WFDC8: variants seen among roughly 807,000 people sequenced by gnomAD.
WFDC8 encodes WAP four-disulfide core domain 8, also known as WAP four-disulfide core domain protein 8.
Under a neutral mutation model 27.0 loss-of-function variants are expected in WFDC8, and 24 were observed. The ratio of observed to expected loss-of-function variants is 0.89; its 90% CI spans 0.64 to 1.25. WFDC8 has a LOEUF of 1.25. WFDC8 is among the 50% of genes most tolerant of loss of function. The probability of loss-of-function intolerance (pLI) is 0.00; values close to 1 mark genes in which losing one functional copy is unlikely to be tolerated. For missense variants in WFDC8, 287 were observed against 295.9 expected, an observed-to-expected ratio of 0.97 and a Z score of 0.22; for synonymous variants, 106 against 99.7, an observed-to-expected ratio of 1.06 and a Z score of -0.38.
At chr20:45,551,191 T>C (rs542932632), downstream of WFDC8, 2 of 152,318 alleles carry the variant, frequency 1.3e-5, no homozygotes, top group South Asian at 4.1e-4. Flanking sequence ...AATGCAAGGA[T>C]GGCTCAAGAA....
intron 1 of WFDC8, among the ~76,000 whole-genome samples, chr20:45,566,527 G>T (rs1980683639): frequency 6.6e-6 from 1 of 152,046 alleles, no homozygotes; most frequent in Non-Finnish European, 1.5e-5. Flanking sequence ...GTCGGGCATG[G>T]TGGTGCATGA....
chr20:45,567,413 C>T (rs139798182), intron 1 of WFDC8, among the ~76,000 whole-genome samples: 6 of 152,142 alleles, frequency 3.9e-5, no homozygotes, highest in Admixed American at 6.5e-5. Context: ...TAAATTAACA[C>T]GCTTACATAC....
chr20:45,567,056 G>GT (rs201125899), intron 1 of WFDC8, among the ~76,000 whole-genome samples: 5,872 of 151,672 alleles, frequency 0.039, 171 homozygotes, highest in South Asian at 0.063. Flanking sequence ...ATTTTTTATT[G>GT]TTTTTTTCTA....
intron 2 of WFDC8, among the ~76,000 whole-genome samples, chr20:45,561,271 C>T (rs948809372): frequency 6.6e-6 from 1 of 152,160 alleles, no homozygotes; most frequent in African/African-American, 2.4e-5. Context: ...CTCGTTCCCA[C>T]GATCCCAACT....
At chr20:45,554,991 C>A (rs189490696) in intron 4 of WFDC8, among the ~76,000 whole-genome samples, 1 of 152,128 alleles carries the variant, frequency 6.6e-6, no homozygotes, top group South Asian at 2.1e-4. Flanking sequence ...TCAATTGTTA[C>A]CGTTTAGTGA....
At chr20:45,563,946 T>C (rs569064111) in intron 1 of WFDC8, among the ~76,000 whole-genome samples, 1 of 152,346 alleles carries the variant, frequency 6.6e-6, no homozygotes, top group East Asian at 1.9e-4. Context: ...TGTCCATTTA[T>C]AATTTTAGCA....
At position 45,551,973 on chromosome 20, in the gene WFDC8, T is replaced by A; in HGVS notation, c.*53A>T. 6.3e-7 allele frequency: 1 copy of A among 1,596,390 alleles called. No homozygotes were observed. Among genetic ancestry groups the A allele is most frequent in the Non-Finnish European group, 8.6e-7 (1 of 1,169,402 alleles). ...ATACAAGACAAAACTGACAGCTCTT[T>A]ATCATGCTACTCATAATTAATGATT... On this transcript the variant is annotated 3_prime_UTR_variant, in exon 6 of 6. Transcript: ENST00000289953.
intron 4 of WFDC8, among the ~76,000 whole-genome samples, chr20:45,554,292 C>T (rs6514010): frequency 0.38 from 58,009 of 151,456 alleles, 11,509 homozygotes; most frequent in Non-Finnish European, 0.43. Flanking sequence ...CCTCCCAAAG[C>T]GCTAGGATTA....
At chr20:45,555,331 A>G (rs1386656904) in intron 4 of WFDC8, among the ~76,000 whole-genome samples, 1 of 152,166 alleles carries the variant, frequency 6.6e-6, no homozygotes, top group Non-Finnish European at 1.5e-5. Context: ...TGGCCTGTCT[A>G]CACTTCATTC....
intron 1 of WFDC8, among the ~76,000 whole-genome samples, chr20:45,573,338 G>A (rs1229923326): frequency 6.6e-6 from 1 of 152,074 alleles, no homozygotes; most frequent in African/African-American, 2.4e-5. Flanking sequence ...GGGCACAAAT[G>A]GTTTTTGGTT....
In WFDC8 at chr20:45,564,269, T is replaced by C. The variant is rs544288876; in HGVS notation, c.27-2050A>G. 3.3e-3 allele frequency among the ~76,000 whole-genome samples: 496 copies of C among 152,232 alleles called. 3 individuals carry two copies. The highest frequency in any genetic ancestry group is 0.011 in the African/African-American group (469 of 41,542). On this transcript the variant is annotated intron_variant, in intron 1 of 5. Coordinates refer to ENST00000289953, the MANE Select transcript of WFDC8 (RefSeq NM_130896.3). ...GACCTGGAATACACGGACACAAATGTGCTATATAAATAACACACTAGGTTC... is the reference window on the plus strand; with the variant it reads ...GACCTGGAATACACGGACACAAATGCGCTATATAAATAACACACTAGGTTC...
chr20:45,567,123 G>A (rs1352417388), intron 1 of WFDC8, among the ~76,000 whole-genome samples: 1 of 151,822 alleles, frequency 6.6e-6, no homozygotes, highest in Non-Finnish European at 1.5e-5. Context: ...TGGATATGGA[G>A]GGCCAACTGT....
intron 5 of WFDC8, 59 bp from the exon 6 acceptor site, chr20:45,552,224 A>T: frequency 6.3e-7 from 1 of 1,595,052 alleles, no homozygotes; most frequent in African/African-American, 1.3e-5. Context: ...TTTGAGACAA[A>T]TTTGAGGAAT....
chr20:45,556,687 A>T (rs932366832), intron 3 of WFDC8, among the ~76,000 whole-genome samples: 1 of 152,182 alleles, frequency 6.6e-6, no homozygotes. Context: ...AGCAAATTGG[A>T]AAGGTGAAAA....
At chr20:45,567,966 C>T (rs1021511569) in intron 1 of WFDC8, 26 of 224,692 alleles carry the variant, frequency 1.2e-4, no homozygotes, top group Admixed American at 3.3e-4. Flanking sequence ...GCTGGGATTA[C>T]AGGCATGCAC....
chr20:45,551,629 AAAAG>A (rs1165190463), downstream of WFDC8: 398 of 120,714 alleles, frequency 3.3e-3, no homozygotes, highest in African/African-American at 9.2e-3. Context: ...AAAAAAAAAA[AAAAG>A]AAAGAAAGAA....
intron 1 of WFDC8, among the ~76,000 whole-genome samples, chr20:45,571,422 G>A (rs371022187): frequency 3.9e-5 from 6 of 152,028 alleles, no homozygotes; most frequent in African/African-American, 1.4e-4. Flanking sequence ...TGTACACATT[G>A]CGGAATGGTT....
chr20:45,556,736 A>T (rs917903339), intron 3 of WFDC8, among the ~76,000 whole-genome samples: 59 of 152,166 alleles, frequency 3.9e-4, no homozygotes, highest in Admixed American at 9.8e-4. Context: ...GAGCAAAATT[A>T]AAAAAATATA....
chr20:45,562,482 T>C (rs1363435439), intron 1 of WFDC8, among the ~76,000 whole-genome samples: 1 of 152,216 alleles, frequency 6.6e-6, no homozygotes, highest in Non-Finnish European at 1.5e-5. Flanking sequence ...CCTATTGTCT[T>C]GTTCCTGGGT....
Sources: gnomAD v4.1 joint callset for allele counts (sites outside exome capture counted in the v4.1 genomes callset) on GRCh38, gnomAD v4.1.1 for gene constraint, MANE v1.5 for transcripts, NCBI Gene and HGNC (gene_info 2026-07-23, HGNC 2026-07-21) for gene names.